Variants in MDFIC2 observed in about 807,000 individuals in gnomAD.
MDFIC2 encodes the protein MyoD family inhibitor domain containing 2.
At chr3:70,308,688 C>T (rs1054795466) in intron 2 of MDFIC2, among the ~76,000 whole-genome samples, 10 of 152,156 alleles carry the variant, frequency 6.6e-5, no homozygotes, top group Non-Finnish European at 1.5e-4. Flanking sequence ...GTATTGTTCT[C>T]TGCCACACTT....
At chr3:70,240,314 A>C (rs988617587) in intron 2 of MDFIC2, among the ~76,000 whole-genome samples, 1 of 152,070 alleles carries the variant, frequency 6.6e-6, no homozygotes, top group Non-Finnish European at 1.5e-5. Flanking sequence ...GCTAAGCCAG[A>C]AACAAGCAGA....
At chr3:70,197,850 G>T (rs866756677) in intron 3 of MDFIC2, among the ~76,000 whole-genome samples, 1 of 151,994 alleles carries the variant, frequency 6.6e-6, no homozygotes, top group Non-Finnish European at 1.5e-5. Flanking sequence ...TGCCTAAAAG[G>T]TTTTAAATCT....
intron 3 of MDFIC2, among the ~76,000 whole-genome samples, chr3:70,200,515 A>C (rs147428010): frequency 1.3e-5 from 2 of 152,098 alleles, no homozygotes; most frequent in Non-Finnish European, 2.9e-5. Context: ...CTGCCCCTCA[A>C]CTTCACCCAA....
chr3:70,311,210 A>G lies in MDFIC2; in HGVS notation c.88+676T>C, dbSNP rs374880555. The stretch of plus-strand genomic sequence containing the variant: ...ATTCATTAAATGCTGAAAAAGACGC[A>G]GCATACCTATTTAGATAAAATATCA... On this transcript the variant is annotated intron_variant, in intron 2 of 3. Coordinates refer to ENST00000567252, the MANE Select transcript of MDFIC2 (RefSeq NM_001364677.1). 4.7e-4 allele frequency among the ~76,000 whole-genome samples: 72 copies of G among 152,330 alleles called. 1 individual carries two copies. In the South Asian group the frequency reaches 0.014, roughly 31 times the overall value.
chr3:70,236,602 CT>C (rs1190655144), intron 2 of MDFIC2, among the ~76,000 whole-genome samples: 3 of 151,598 alleles, frequency 2.0e-5, no homozygotes, highest in Non-Finnish European at 2.9e-5. Flanking sequence ...TACTAGAAAA[CT>C]TTTTTTTTCT....
At chr3:70,232,376 T>C (rs1311306696) in intron 2 of MDFIC2, among the ~76,000 whole-genome samples, 2 of 151,866 alleles carry the variant, frequency 1.3e-5, no homozygotes, top group Non-Finnish European at 2.9e-5. Context: ...CCTCCACTCA[T>C]GTGGCTGGAC....
rs1241312209 is a variant in MDFIC2 at position 70,262,639 on chromosome 3, A to G, written c.88+49247T>C. On this transcript the variant is annotated intron_variant, in intron 2 of 3. Coordinates refer to ENST00000567252, the MANE Select transcript of MDFIC2 (RefSeq NM_001364677.1). ...TCTGCTAGGTTCAAAGCAAGCAGTC[A>G]TTGACTCTCAAATTTTACACTTGTG... is the stretch of plus-strand genomic sequence containing the variant. 2.0e-5 allele frequency among the ~76,000 whole-genome samples: 3 copies of G among 152,286 alleles called. No homozygotes were observed. The East Asian group carries it at 5.8e-4, about 29-fold the overall frequency.
intron 2 of MDFIC2, among the ~76,000 whole-genome samples, chr3:70,265,495 T>C (rs1701908809): frequency 7.1e-6 from 1 of 140,566 alleles, no homozygotes; most frequent in Admixed American, 7.0e-5. Context: ...CCATACTCCC[T>C]GCACACACAC....
At chr3:70,275,997 C>A (rs1306281035) in intron 2 of MDFIC2, among the ~76,000 whole-genome samples, 1 of 151,856 alleles carries the variant, frequency 6.6e-6, no homozygotes, top group African/African-American at 2.4e-5. Context: ...TATTCCCCCA[C>A]AATAAACTTT....
chr3:70,292,230 A>G (rs1559555984), intron 2 of MDFIC2, among the ~76,000 whole-genome samples: 1 of 152,180 alleles, frequency 6.6e-6, no homozygotes, highest in Non-Finnish European at 1.5e-5. Context: ...GAGTTGTTGT[A>G]CAGATTGAGT....
chr3:70,200,066 C>T (rs1226406752), intron 3 of MDFIC2, among the ~76,000 whole-genome samples: 3 of 152,128 alleles, frequency 2.0e-5, no homozygotes, highest in Admixed American at 1.3e-4. Context: ...CCTCATCATA[C>T]CTTCCCCATG....
chr3:70,259,934 G>A (rs1194055919), intron 2 of MDFIC2, among the ~76,000 whole-genome samples: 11 of 152,056 alleles, frequency 7.2e-5, no homozygotes, highest in African/African-American at 2.4e-4. Flanking sequence ...GCCAAGTGAA[G>A]GGGAAAGGGG....
intron 2 of MDFIC2, among the ~76,000 whole-genome samples, chr3:70,274,056 C>CGTGTGTGTGT (rs111792704): frequency 0.028 from 4,017 of 142,872 alleles, 74 homozygotes; most frequent in South Asian, 0.054. Context: ...ATTAAACCTC[C>CGTGTGTGTGT]GTGTGTGTGT....
intron 2 of MDFIC2, among the ~76,000 whole-genome samples, chr3:70,286,733 C>A (rs1366390526): frequency 1.3e-5 from 2 of 152,088 alleles, no homozygotes; most frequent in East Asian, 1.9e-4. Context: ...CTTTTATTTC[C>A]TTGAGCAGTG....
At chr3:70,261,205 T>C (rs1701863075) in intron 2 of MDFIC2, among the ~76,000 whole-genome samples, 1 of 152,214 alleles carries the variant, frequency 6.6e-6, no homozygotes, top group South Asian at 2.1e-4. Flanking sequence ...CATTTGGTGG[T>C]CAAAGCTTTG....
At position 70,207,487 on chromosome 3, in the gene MDFIC2, G is replaced by T. The variant is rs149845280; in HGVS notation, c.89-697C>A. 5.3e-5 allele frequency among the ~76,000 whole-genome samples: 8 copies of T among 152,066 alleles called. 1 individual carries two copies. Among genetic ancestry groups the T allele is most frequent in the African/African-American group, 1.9e-4 (8 of 41,508 alleles). Reference sequence around the variant, plus strand: ...AGCGAAGTTCTTGACTGAAATTCTGGTTTGGAGAGCCATAGAGAAGGCTGA... The same window carrying T: ...AGCGAAGTTCTTGACTGAAATTCTGTTTTGGAGAGCCATAGAGAAGGCTGA... On this transcript the variant is annotated intron_variant, in intron 2 of 3. Transcript: ENST00000567252.
intron 2 of MDFIC2, among the ~76,000 whole-genome samples, chr3:70,251,957 A>G (rs1701773384): frequency 6.6e-6 from 1 of 152,206 alleles, no homozygotes; most frequent in African/African-American, 2.4e-5. Context: ...TGCCAATTTT[A>G]CTTCCTTAAC....
chr3:70,235,825 T>C (rs1326916845), intron 2 of MDFIC2, among the ~76,000 whole-genome samples: 1 of 152,216 alleles, frequency 6.6e-6, no homozygotes. Flanking sequence ...ATTATAGCAT[T>C]GTTTCAAAGG....
chr3:70,304,543 C>T (rs77040195), intron 2 of MDFIC2, among the ~76,000 whole-genome samples: 5,834 of 152,220 alleles, frequency 0.038, 160 homozygotes, highest in East Asian at 0.081. Flanking sequence ...TTTCTAAAGC[C>T]GGGGGTCAGC....
Sources: allele counts gnomAD v4.1 joint callset (sites outside exome capture counted in the v4.1 genomes callset), GRCh38; gene constraint gnomAD v4.1.1; transcripts MANE v1.5; gene names NCBI Gene and HGNC (gene_info 2026-07-23, HGNC 2026-07-21).